ALAS1: variants seen among roughly 807,000 people sequenced by gnomAD.
ALAS1 encodes the protein 5-aminolevulinate synthase, non-specific, mitochondrial.
In ALAS1, 29 loss-of-function variants were observed where a neutral mutation model predicts 59.6. That is an observed-to-expected ratio of 0.49 (90% CI 0.36 to 0.66). The LOEUF (loss-of-function observed/expected upper bound fraction) is 0.66. ALAS1 is among the 30% of genes least tolerant of loss of function. The pLI is 0.00. For missense variants in ALAS1, 690 were observed against 807.5 expected (o/e 0.85, Z 1.76); for synonymous variants, 299 against 296.6 (o/e 1.01, Z -0.08).
Position 52,214,132 on chromosome 3 carries a change from G to A in ALAS1, c.1875G>A (p.Glu625=), listed in dbSNP as rs1455174936. 1 of 1,613,714 alleles carries A rather than the reference G, an allele frequency of 6.2e-7. No homozygotes were observed. Among genetic ancestry groups the A allele is most frequent in the South Asian group, 1.1e-5 (1 of 91,082 alleles). ...PLHFEVMSER[E]KSYFSGLSKL... is the part of the protein sequence containing the mutation. ...ATTTTGAAGTGATGAGTGAAAGAGA[G>A]AAGTCCTATTTCTCAGGCTTGAGCA... The change falls in exon 12 of 12, where the codon GAG becomes GAA. Residue 625 remains glutamate, a synonymous_variant. Coordinates refer to ENST00000484952, the MANE Select transcript of ALAS1 (RefSeq NM_000688.6).
rs776951209 is a variant in ALAS1 at position 52,212,388 on chromosome 3, A to G, written c.1730A>G (p.His577Arg). The G allele has an allele frequency of 6.2e-7, 1 of 1,613,878 alleles. No homozygotes were observed. Among genetic ancestry groups the G allele is most frequent in the African/African-American group, 1.3e-5 (1 of 74,890 alleles). Reference sequence around the variant, plus strand: ...CTCCTACGGATTGCCCCCACCCCTCACCACACACCCCAGATGATGAACTAC... The same window carrying G: ...CTCCTACGGATTGCCCCCACCCCTCGCCACACACCCCAGATGATGAACTAC... ...EELLRIAPTP[H>R]HTPQMMNYFL... Residue 577 changes from histidine to arginine, a missense_variant, in exon 11 of 12, where the codon CAC becomes CGC. Transcript: ENST00000484952.
intron 2 of ALAS1, 92 bp downstream of exon 2, chr3:52,198,940 C>A: frequency 7.1e-7 from 1 of 1,401,034 alleles, no homozygotes; most frequent in Non-Finnish European, 9.7e-7. Flanking sequence ...ATCCTTCCGC[C>A]CCCTTGATTA....
At chr3:52,198,151 C>T (rs1237621220), upstream of ALAS1, 3 of 398,310 alleles carry the variant, frequency 7.5e-6, no homozygotes, top group Non-Finnish European at 1.3e-5. Flanking sequence ...CGCCGGCGAT[C>T]GCGGCCTGAG....
chr3:52,212,913 A>T (rs963183746), intron 11 of ALAS1, among the ~76,000 whole-genome samples: 2 of 152,192 alleles, frequency 1.3e-5, no homozygotes, highest in African/African-American at 4.8e-5. Flanking sequence ...ATTCACATCA[A>T]GAGGGTGGAG....
At chr3:52,206,794 CTA>C (rs1559874379) in intron 8 of ALAS1, 43 bp downstream of exon 8, 1 of 1,587,860 alleles carries the variant, frequency 6.3e-7, no homozygotes, top group South Asian at 1.1e-5. Context: ...AGATGAAAAA[CTA>C]TGCCTGAACT....
In ALAS1 at chr3:52,205,896, T is replaced by G; in HGVS notation, c.858T>G (p.Thr286=). 1 of 1,614,178 alleles carries G rather than the reference T, an allele frequency of 6.2e-7. No homozygotes were observed. The highest frequency in any genetic ancestry group is 8.5e-7 in the Non-Finnish European group (1 of 1,180,008). Residue 286 remains threonine, a synonymous_variant, in exon 7 of 12, where the codon ACT becomes ACG. Transcript: ENST00000484952. ...GTGGTACTAGAAATATTTCTGGAACTAGTAAATTCCATGTGGACTTAGAGC... is the reference window on the plus strand; with the variant it reads ...GTGGTACTAGAAATATTTCTGGAACGAGTAAATTCCATGTGGACTTAGAGC... ...GAGGTRNISG[T]SKFHVDLERE...
Position 52,203,984 on chromosome 3 carries a change from T to A in ALAS1, c.549T>A (p.Ser183=), listed in dbSNP as rs1166161384. ...AAAAGCAAAGACCAGAAAGAGTGTC[T>A]CATCTTCTTCAAGATAACTTGCCAA... ...IMQKQRPERV[S]HLLQDNLPKS... The change falls in exon 5 of 12, where the codon TCT becomes TCA. Residue 183 remains serine (S), a synonymous_variant. Transcript: ENST00000484952. 6.2e-7 allele frequency: 1 copy of A among 1,610,170 alleles called. No individual in the cohort carries two copies.
rs1007466272 is a variant in ALAS1 at position 52,199,278 on chromosome 3, C to G, written c.37C>G (p.Arg13Gly). 4 of 1,614,082 alleles carry G rather than the reference C, an allele frequency of 2.5e-6. No individual in the cohort carries two copies. The highest frequency in any genetic ancestry group is 1.3e-5 in the African/African-American group (1 of 74,928). The change falls in exon 3 of 12, where the codon CGA becomes GGA. Residue 13 changes from arginine to glycine, a missense_variant. Transcript: ENST00000484952. The part of the protein sequence containing the change: ...SVVRRCPFLS[R>G]VPQAFLQKAG... The stretch of plus-strand genomic sequence containing the variant: ...TGTTCGCCGCTGCCCATTCTTATCC[C>G]GAGTCCCCCAGGCCTTTCTGCAGAA...
At chr3:52,199,604 G>T (rs939513039) in intron 3 of ALAS1, among the ~76,000 whole-genome samples, 164 bp downstream of exon 3, 1 of 152,178 alleles carries the variant, frequency 6.6e-6, no homozygotes, top group South Asian at 2.1e-4. Context: ...GTCCCCCCAA[G>T]GGTAGGCACT....
At chr3:52,206,051 G>A (rs959249689) in intron 7 of ALAS1, 28 bp downstream of exon 7, 19 of 1,555,840 alleles carry the variant, frequency 1.2e-5, no homozygotes, top group African/African-American at 4.1e-5. Flanking sequence ...GAGTGCCTTC[G>A]AGTTTTTTGG....
In ALAS1 at chr3:52,206,016, G is replaced by GA; in HGVS notation, c.979dup (p.Met327AsnfsTer5). On this transcript the variant is annotated frameshift_variant, in exon 7 of 12. Coordinates refer to ENST00000484952, the MANE Select transcript of ALAS1 (RefSeq NM_000688.6). LOFTEE classifies it high-confidence loss of function. The stretch of plus-strand genomic sequence containing the variant: ...CAACCCTCTTCACCCTGGCTAAGAT[G>GA]ATGCCAGGTAAGGAAGCCTGGCATG... The GA allele has an allele frequency of 6.3e-7, 1 of 1,595,770 alleles. No homozygotes were observed. The highest frequency in any genetic ancestry group is 8.6e-7 in the Non-Finnish European group (1 of 1,169,194).
intron 9 of ALAS1, among the ~76,000 whole-genome samples, chr3:52,210,419 C>G (rs948408293): frequency 1.3e-5 from 2 of 152,142 alleles, no homozygotes; most frequent in Non-Finnish European, 2.9e-5. Context: ...GGTTAGACAC[C>G]AGCTTGGCCA....
chr3:52,211,362 C>T lies in ALAS1; in HGVS notation c.1410C>T (p.Gly470=), dbSNP rs1699402594. Residue 470 remains glycine, a synonymous_variant, in exon 10 of 12, where the codon GGC becomes GGT. Coordinates refer to ENST00000484952, the MANE Select transcript of ALAS1 (RefSeq NM_000688.6). ...LIDTVRSYAA[G]FIFTTSLPPM... ...ACACCGTACGGTCCTATGCTGCTGG[C>T]TTCATCTTCACCACCTCTCTGCCAC... 1 of 1,614,230 alleles carries T rather than the reference C, an allele frequency of 6.2e-7. No individual in the cohort carries two copies. Among genetic ancestry groups the T allele is most frequent in the Non-Finnish European group, 8.5e-7 (1 of 1,180,040 alleles).
chr3:52,208,263 A>G lies in ALAS1; in HGVS notation c.1330+16A>G. The stretch of plus-strand genomic sequence containing the variant: ...GGAACACTTGGTATGTATACATTGT[A>G]TTACATACACTAAAATTCCATTATC... On this transcript the variant is annotated intron_variant, in intron 9 of 11. Coordinates refer to ENST00000484952, the MANE Select transcript of ALAS1 (RefSeq NM_000688.6). 1 of 1,612,902 alleles carries G rather than the reference A, an allele frequency of 6.2e-7. No individual in the cohort carries two copies. Among genetic ancestry groups the G allele is most frequent in the East Asian group, 2.2e-5 (1 of 44,760 alleles).
At chr3:52,207,547 G>A (rs542634544) in intron 8 of ALAS1, among the ~76,000 whole-genome samples, 5 of 151,596 alleles carry the variant, frequency 3.3e-5, no homozygotes, top group South Asian at 2.1e-4. Flanking sequence ...TAAATTATGT[G>A]TCACAGGGTG....
chr3:52,206,542 T>C (rs1699294341), intron 7 of ALAS1, 30 bp from the exon 8 acceptor site: 1 of 1,600,864 alleles, frequency 6.2e-7, no homozygotes, highest in African/African-American at 1.3e-5. Context: ...TCGATGCACA[T>C]GGCAATAAAT....
At position 52,208,258 on chromosome 3, in the gene ALAS1, A is replaced by G. The variant is rs761391804; in HGVS notation, c.1330+11A>G. On this transcript the variant is annotated intron_variant, in intron 9 of 11. Coordinates refer to ENST00000484952, the MANE Select transcript of ALAS1 (RefSeq NM_000688.6). ...TTTCTGGAACACTTGGTATGTATAC[A>G]TTGTATTACATACACTAAAATTCCA... The G allele has an allele frequency of 5.6e-6, 9 of 1,613,192 alleles. No homozygotes were observed. The highest frequency in any genetic ancestry group is 1.1e-5 in the South Asian group (1 of 91,024).
At chr3:52,199,586 A>G in intron 3 of ALAS1, 146 bp downstream of exon 3, 1 of 752,808 alleles carries the variant, frequency 1.3e-6, no homozygotes, top group Admixed American at 3.0e-5. Context: ...AGATTATCTC[A>G]TATGATTGTC....
intron 1 of ALAS1, 88 bp from the exon 2 acceptor site, chr3:52,198,584 C>A (rs1325803746): frequency 3.5e-6 from 2 of 579,106 alleles, no homozygotes; most frequent in Non-Finnish European, 6.1e-6. Flanking sequence ...TCAACTCCCT[C>A]GACTTTATAA....
Sources: gnomAD v4.1 joint callset for allele counts (sites outside exome capture counted in the v4.1 genomes callset) on GRCh38, gnomAD v4.1.1 for gene constraint, MANE v1.5 for transcripts, NCBI Gene and HGNC (gene_info 2026-07-23, HGNC 2026-07-21) for gene names.